The following NRF1 variants were observed in gnomAD, a reference collection of about 807,000 sequenced individuals.
NRF1 encodes the protein nuclear respiratory factor 1, also known as alpha palindromic-binding protein.
In NRF1, 5 loss-of-function variants were observed where a neutral mutation model predicts 58.5. The ratio of observed to expected loss-of-function variants is 0.09; its 90% confidence interval spans 0.04 to 0.18. The LOEUF (loss-of-function observed/expected upper bound fraction) is 0.18. NRF1 is among the 10% of genes least tolerant of loss of function. The probability of loss-of-function intolerance (pLI) is 1.00; values close to 1 mark genes in which losing one functional copy is unlikely to be tolerated. For missense variants in NRF1, 288 were observed against 657.7 expected, an observed-to-expected ratio of 0.44 and a Z score of 6.15; for synonymous variants, 224 against 246.7, an observed-to-expected ratio of 0.91 and a Z score of 0.86.
chr7:129,672,679 T>G (rs1019050522), intron 3 of NRF1, among the ~76,000 whole-genome samples: 1 of 152,148 alleles, frequency 6.6e-6, no homozygotes, highest in Non-Finnish European at 1.5e-5. Context: ...GCTGGGTGAT[T>G]TTTGGTCTGA....
Position 129,756,457 on chromosome 7 carries a change from A to C in NRF1, c.*1276A>C, listed in dbSNP as rs1241407675. ...CCTGGAGGCCCATGTTCCTTGATGCAACCTCGTGGCCCAGGCCGGGAGCAG... is the reference window on the plus strand; with the variant it reads ...CCTGGAGGCCCATGTTCCTTGATGCCACCTCGTGGCCCAGGCCGGGAGCAG... On this transcript the variant is annotated 3_prime_UTR_variant, in exon 11 of 11. Coordinates refer to ENST00000393232, the MANE Select transcript of NRF1 (RefSeq NM_005011.5). 6.6e-6 allele frequency: 1 copy of C among 152,460 alleles called. No homozygotes were observed. The highest frequency in any genetic ancestry group is 1.5e-5 in the Non-Finnish European group (1 of 68,096). The allele number at this position is 152,460 out of a possible 1,614,324, so 9.4% of individuals were successfully genotyped here. A position where few individuals can be genotyped will look rare whatever the true frequency, so the allele number is the denominator to read the frequency against.
At chr7:129,742,897 T>A (rs1430093399) in intron 10 of NRF1, among the ~76,000 whole-genome samples, 1 of 152,210 alleles carries the variant, frequency 6.6e-6, no homozygotes, top group Non-Finnish European at 1.5e-5. Context: ...CTGTAGCCAC[T>A]GTGTCGGACA....
intron 10 of NRF1, among the ~76,000 whole-genome samples, chr7:129,745,652 T>C (rs1239663567): frequency 1.3e-5 from 2 of 152,102 alleles, no homozygotes; most frequent in Non-Finnish European, 2.9e-5. Flanking sequence ...TTTAAAGCCT[T>C]CTTGGCAGGG....
At chr7:129,613,585 A>G (rs1800591112) in intron 1 of NRF1, among the ~76,000 whole-genome samples, 1 of 152,088 alleles carries the variant, frequency 6.6e-6, no homozygotes. Context: ...TGACCAAAAA[A>G]AACAATAATC....
At chr7:129,649,334 T>C (rs1801482944) in intron 1 of NRF1, among the ~76,000 whole-genome samples, 1 of 152,192 alleles carries the variant, frequency 6.6e-6, no homozygotes, top group South Asian at 2.1e-4. Flanking sequence ...GTTTGGACTG[T>C]AGACTGAGGC....
chr7:129,698,875 C>A (rs1175543604), intron 5 of NRF1, among the ~76,000 whole-genome samples: 2 of 152,180 alleles, frequency 1.3e-5, no homozygotes, highest in African/African-American at 4.8e-5. Context: ...AAAATCAGTT[C>A]TGCTCTTTAC....
At chr7:129,613,876 G>T (rs779359286) in intron 1 of NRF1, among the ~76,000 whole-genome samples, 1 of 152,038 alleles carries the variant, frequency 6.6e-6, no homozygotes, top group Non-Finnish European at 1.5e-5. Flanking sequence ...GATGGAGATC[G>T]CGCCATTGCA....
In NRF1 at chr7:129,715,438, G is replaced by C. The variant is rs532473905; in HGVS notation, c.1066-1781G>C. ...GATTTTTATTTTTGGGTTTTTTGCT[G>C]TGGGCAGTGGGAGAGTCTTCATAAC... On this transcript the variant is annotated intron_variant, in intron 8 of 10. Transcript: ENST00000393232. 1.2e-4 allele frequency among the ~76,000 whole-genome samples: 18 copies of C among 152,280 alleles called. No individual in the cohort carries two copies. In the East Asian group the frequency reaches 2.5e-3, roughly 21 times the overall value.
At chr7:129,751,676 T>C (rs1395856646) in intron 10 of NRF1, among the ~76,000 whole-genome samples, 1 of 152,228 alleles carries the variant, frequency 6.6e-6, no homozygotes, top group Non-Finnish European at 1.5e-5. Context: ...AAGGGACTTG[T>C]TCCCCAAGCC....
intron 4 of NRF1, among the ~76,000 whole-genome samples, chr7:129,688,789 C>T (rs1002489054): frequency 6.6e-6 from 1 of 152,082 alleles, no homozygotes; most frequent in Admixed American, 6.6e-5. Flanking sequence ...CTCACTATCA[C>T]GAGAACAACA....
chr7:129,701,722 G>A lies in NRF1; in HGVS notation c.607-7353G>A, dbSNP rs182317134. On this transcript the variant is annotated intron_variant, in intron 5 of 10. Coordinates refer to ENST00000393232, the MANE Select transcript of NRF1 (RefSeq NM_005011.5). ...CAAAGTCTTTCTGGAGGACAATTTGGCAGTGTGTTAAAATGTTAAATCCAT... is the reference window on the plus strand; with the variant it reads ...CAAAGTCTTTCTGGAGGACAATTTGACAGTGTGTTAAAATGTTAAATCCAT... Among the ~76,000 whole-genome samples the A allele has an allele frequency of 7.2e-5, 11 of 152,228 alleles. No homozygotes were observed. In the East Asian group the frequency reaches 2.1e-3, roughly 29 times the overall value.
At chr7:129,637,837 AAAACATTATG>A (rs1801201622) in intron 1 of NRF1, among the ~76,000 whole-genome samples, 2 of 150,642 alleles carry the variant, frequency 1.3e-5, no homozygotes, top group Admixed American at 1.3e-4. Flanking sequence ...AAACTTTCTT[AAAACATTATG>A]AGATTTTTTT....
At chr7:129,671,225 A>G (rs2151083197) in intron 2 of NRF1, among the ~76,000 whole-genome samples, 1 of 152,350 alleles carries the variant, frequency 6.6e-6, no homozygotes, top group East Asian at 1.9e-4. Flanking sequence ...CTTTTTTAAA[A>G]GATTCATTGT....
At chr7:129,694,682 A>G (rs1158668566) in intron 5 of NRF1, among the ~76,000 whole-genome samples, 2 of 152,164 alleles carry the variant, frequency 1.3e-5, no homozygotes, top group Non-Finnish European at 2.9e-5. Flanking sequence ...GCTCTCTTTT[A>G]TAATTGATCC....
intron 10 of NRF1, among the ~76,000 whole-genome samples, chr7:129,731,214 T>C (rs1199983234): frequency 3.4e-5 from 5 of 148,370 alleles, no homozygotes; most frequent in Non-Finnish European, 7.4e-5. Flanking sequence ...GAGATTGCAA[T>C]GAGCTGAGAT....
intron 1 of NRF1, among the ~76,000 whole-genome samples, chr7:129,634,445 T>C (rs1002095111): frequency 3.3e-5 from 5 of 152,202 alleles, no homozygotes; most frequent in African/African-American, 9.6e-5. Flanking sequence ...CATACAAATG[T>C]AGCCTTTTCA....
intron 10 of NRF1, among the ~76,000 whole-genome samples, chr7:129,732,262 AAC>A (rs1803598518): frequency 6.6e-6 from 1 of 152,234 alleles, no homozygotes; most frequent in Admixed American, 6.5e-5. Flanking sequence ...CCACCTCAGA[AAC>A]ACTCTTCTGT....
chr7:129,634,246 A>G (rs1801123156), intron 1 of NRF1, among the ~76,000 whole-genome samples: 1 of 152,062 alleles, frequency 6.6e-6, no homozygotes, highest in African/African-American at 2.4e-5. Context: ...CATAGTTTAC[A>G]TTCAAGTTCA....
At chr7:129,677,006 C>A (rs374804407) in intron 3 of NRF1, among the ~76,000 whole-genome samples, 8 of 51,112 alleles carry the variant, frequency 1.6e-4, no homozygotes, top group African/African-American at 4.2e-4. Flanking sequence ...ATCTTGGTTG[C>A]ATTTTTTTTT....
Sources: gnomAD v4.1 joint callset for allele counts (sites outside exome capture counted in the v4.1 genomes callset) on GRCh38, gnomAD v4.1.1 for gene constraint, MANE v1.5 for transcripts, NCBI Gene and HGNC (gene_info 2026-07-23, HGNC 2026-07-21) for gene names.